DOCK4: variants seen among roughly 807,000 people sequenced by gnomAD.
The protein encoded by DOCK4 is dedicator of cytokinesis protein 4.
A neutral mutation model predicts 268.1 loss-of-function variants in DOCK4; 97 were observed. The ratio of observed to expected loss-of-function variants is 0.36; its 90% CI spans 0.31 to 0.43. The LOEUF is 0.43. Among genes scored for constraint, DOCK4 ranks in the 20% least tolerant of loss-of-function variants. The pLI, the probability that DOCK4 is intolerant of heterozygous loss-of-function variation, is 1.00. For synonymous variants in DOCK4, 954 were observed against 887.2 expected (o/e 1.08, Z -1.34); for missense variants, 2,145 against 2,455.7 (o/e 0.87, Z 2.67).
intron 1 of DOCK4, among the ~76,000 whole-genome samples, chr7:112,148,356 T>C (rs1815715297): frequency 6.6e-6 from 1 of 152,098 alleles, no homozygotes; most frequent in Non-Finnish European, 1.5e-5. Flanking sequence ...CAACCCCCTT[T>C]GGAAAGCTGG....
At chr7:111,736,655 G>GATA in intron 50 of DOCK4, among the ~76,000 whole-genome samples, 1 of 152,126 alleles carries the variant, frequency 6.6e-6, no homozygotes, top group Non-Finnish European at 1.5e-5. Flanking sequence ...TTGCCTGGGT[G>GATA]ACTCACTGGA....
chr7:111,811,613 T>C (rs1801138983), intron 28 of DOCK4, among the ~76,000 whole-genome samples: 1 of 152,134 alleles, frequency 6.6e-6, no homozygotes, highest in South Asian at 2.1e-4. Flanking sequence ...TTGAGTCTCC[T>C]TTGTCATAAA....
At chr7:111,849,105 C>A (rs1804340307) in intron 23 of DOCK4, among the ~76,000 whole-genome samples, 1 of 152,174 alleles carries the variant, frequency 6.6e-6, no homozygotes, top group African/African-American at 2.4e-5. Context: ...AATAAATTCC[C>A]ATTTTTGCTG....
At chr7:111,872,146 T>C in intron 19 of DOCK4, 56 bp from the exon 20 acceptor site, 1 of 1,450,566 alleles carries the variant, frequency 6.9e-7, no homozygotes, top group Non-Finnish European at 9.2e-7. Context: ...GTTTTCCTTT[T>C]TTTTTTGCTT....
chr7:111,983,844 A>ATGCGCGCGCGCGTG lies in DOCK4; in HGVS notation c.549+461_549+462insCACGCGCGCGCGCA, dbSNP rs1554402959. Among the ~76,000 whole-genome samples, 240 of 138,902 alleles carry ATGCGCGCGCGCGTG rather than the reference A, an allele frequency of 1.7e-3. 8 individuals carry two copies. The highest frequency in any genetic ancestry group is 6.0e-3 in the African/African-American group (208 of 34,610). The allele number at this position is 138,902 out of a possible 152,430, so 91.1% of individuals were successfully genotyped here. On this transcript the variant is annotated intron_variant, in intron 7 of 52. Coordinates refer to ENST00000428084, the MANE Select transcript of DOCK4 (RefSeq NM_001363540.2). ...AGTGCTATTATGTATGTACACACAC[A>ATGCGCGCGCGCGTG]CGCGCGCGCGCGCGCGCGCACACAC...
chr7:112,111,838 A>G (rs1338266993), intron 1 of DOCK4, among the ~76,000 whole-genome samples: 2 of 152,220 alleles, frequency 1.3e-5, no homozygotes, highest in African/African-American at 4.8e-5. Flanking sequence ...AGTAGGCTAC[A>G]TAAAATCCAC....
intron 42 of DOCK4, among the ~76,000 whole-genome samples, chr7:111,750,803 A>G (rs1326341189): frequency 1.3e-5 from 2 of 152,206 alleles, no homozygotes; most frequent in Non-Finnish European, 2.9e-5. Flanking sequence ...TGCTCCCAAC[A>G]GGCAAAGATG....
intron 1 of DOCK4, among the ~76,000 whole-genome samples, chr7:112,015,244 C>T (rs1562994211): frequency 1.3e-5 from 2 of 152,196 alleles, no homozygotes; most frequent in African/African-American, 2.4e-5. Context: ...CTCCCACCAG[C>T]ACCAGGACAA....
chr7:112,038,867 C>T (rs1026258881), intron 1 of DOCK4, among the ~76,000 whole-genome samples: 7 of 152,208 alleles, frequency 4.6e-5, no homozygotes, highest in Non-Finnish European at 7.3e-5. Flanking sequence ...TATTCCAACT[C>T]GACAGGAACT....
intron 1 of DOCK4, among the ~76,000 whole-genome samples, chr7:112,140,174 A>G (rs1434097190): frequency 6.6e-6 from 1 of 152,150 alleles, no homozygotes; most frequent in Non-Finnish European, 1.5e-5. Flanking sequence ...TACCCCATGA[A>G]AAACCAAGGA....
chr7:111,926,194 C>T (rs779378874), intron 12 of DOCK4, among the ~76,000 whole-genome samples: 2 of 144,562 alleles, frequency 1.4e-5, no homozygotes, highest in Non-Finnish European at 3.0e-5. Flanking sequence ...GCAAGGTGGG[C>T]AGATCACGAG....
At chr7:112,106,916 T>C (rs1401713008) in intron 1 of DOCK4, among the ~76,000 whole-genome samples, 1 of 152,182 alleles carries the variant, frequency 6.6e-6, no homozygotes, top group Admixed American at 6.5e-5. Context: ...ATTCTGGCCA[T>C]GTGTTGTTTT....
At chr7:112,118,582 C>T (rs1290793093) in intron 1 of DOCK4, among the ~76,000 whole-genome samples, 2 of 152,126 alleles carry the variant, frequency 1.3e-5, no homozygotes, top group South Asian at 2.1e-4. Context: ...TGTACCTCAC[C>T]GTTGAGTGGC....
At chr7:111,776,572 T>C (rs1274437125) in intron 36 of DOCK4, among the ~76,000 whole-genome samples, 1 of 152,120 alleles carries the variant, frequency 6.6e-6, no homozygotes, top group Non-Finnish European at 1.5e-5. Flanking sequence ...CCAACATTCA[T>C]GCCATTACAG....
intron 1 of DOCK4, among the ~76,000 whole-genome samples, chr7:112,096,762 G>C (rs1273941341): frequency 6.6e-6 from 1 of 152,176 alleles, no homozygotes; most frequent in Non-Finnish European, 1.5e-5. Flanking sequence ...CCAAAATGTA[G>C]CTGGTTAGTA....
intron 35 of DOCK4, among the ~76,000 whole-genome samples, chr7:111,781,356 G>C (rs1798773404): frequency 6.6e-6 from 1 of 152,188 alleles, no homozygotes; most frequent in Admixed American, 6.5e-5. Flanking sequence ...CTCAGGCTGA[G>C]GGTCTTCACT....
Position 112,198,273 on chromosome 7 carries a change from A to G in DOCK4, c.37+7829T>C, listed in dbSNP as rs191104368. On this transcript the variant is annotated intron_variant, in intron 1 of 52. Transcript: ENST00000428084. The stretch of plus-strand genomic sequence containing the variant: ...CCCCTACCCACGTGAAGATACAGCA[A>G]GAAGATGTCCACCTGCAAACCAGGA... Among the ~76,000 whole-genome samples the G allele has an allele frequency of 1.8e-3, 277 of 152,202 alleles. 3 individuals are homozygous for G. Among genetic ancestry groups the G allele is most frequent in the African/African-American group, 6.0e-3 (248 of 41,526 alleles).
At chr7:112,103,172 T>G (rs1251130862) in intron 1 of DOCK4, among the ~76,000 whole-genome samples, 4 of 152,244 alleles carry the variant, frequency 2.6e-5, no homozygotes, top group Non-Finnish European at 4.4e-5. Context: ...TATGAATCAC[T>G]GTTTATCATT....
rs562477666 is a variant in DOCK4 at position 111,902,523 on chromosome 7, A to C, written c.1193-722T>G. ...TTTCTTATTATTGCAAGATAAAAAA[A>C]GATAAATTTGATGCCAACTAGCAAA... On this transcript the variant is annotated intron_variant, in intron 13 of 52. Coordinates refer to ENST00000428084, the MANE Select transcript of DOCK4 (RefSeq NM_001363540.2). Among the ~76,000 whole-genome samples, 16 of 152,360 alleles carry C rather than the reference A, an allele frequency of 1.1e-4. No homozygotes were observed. The South Asian group carries it at 3.1e-3, about 30-fold the overall frequency.
Sources: allele counts gnomAD v4.1 joint callset (sites outside exome capture counted in the v4.1 genomes callset), GRCh38; gene constraint gnomAD v4.1.1; transcripts MANE v1.5; gene names NCBI Gene and HGNC (gene_info 2026-07-23, HGNC 2026-07-21).